Variants in WASHC2C observed in about 807,000 individuals in gnomAD.
WASHC2C encodes the protein WASH complex subunit 2C.
In WASHC2C, 73 loss-of-function variants were observed where a neutral mutation model predicts 142.2. That is an observed-to-expected ratio of 0.51 (90% CI 0.43 to 0.62). The LOEUF (loss-of-function observed/expected upper bound fraction) is 0.62, where lower values mean the gene tolerates loss of function less well. Ranked by LOEUF, WASHC2C falls within the 20% of genes least tolerant of loss-of-function variation. The pLI is 0.00. For synonymous variants in WASHC2C, 337 were observed against 565.5 expected, an observed-to-expected ratio of 0.60 and a Z score of 5.73; for missense variants, 969 against 1,531.7, an observed-to-expected ratio of 0.63 and a Z score of 6.13.
chr10:45,784,276 A>ATG (rs1428840910), intron 23 of WASHC2C, among the ~76,000 whole-genome samples: 1 of 6,544 alleles, frequency 1.5e-4, no homozygotes, highest in Non-Finnish European at 4.6e-4. Flanking sequence ...ATATATATAT[A>ATG]TATATATATA....
At chr10:45,749,927 T>A (rs1157660604) in intron 8 of WASHC2C, among the ~76,000 whole-genome samples, 169 bp from the exon 9 acceptor site, 8 of 145,714 alleles carry the variant, frequency 5.5e-5, no homozygotes, top group Non-Finnish European at 1.0e-4. Flanking sequence ...AAGTAAATCT[T>A]GTGTATTATT....
chr10:45,734,808 A>T (rs1171408147), intron 3 of WASHC2C, among the ~76,000 whole-genome samples: 4 of 151,882 alleles, frequency 2.6e-5, no homozygotes, highest in South Asian at 4.2e-4. Flanking sequence ...GCAGCCTCAA[A>T]CTCCTGGGCT....
chr10:45,741,171 C>G (rs1430129921), intron 5 of WASHC2C, among the ~76,000 whole-genome samples: 3 of 152,166 alleles, frequency 2.0e-5, no homozygotes, highest in African/African-American at 7.2e-5. Flanking sequence ...TGGTCTCGAA[C>G]TCCCAACCTC....
At chr10:45,776,353 A>G (rs1429841099) in intron 21 of WASHC2C, among the ~76,000 whole-genome samples, 1 of 152,178 alleles carries the variant, frequency 6.6e-6, no homozygotes, top group Non-Finnish European at 1.5e-5. Context: ...TTGATAAGTC[A>G]CTTGCTGCAA....
intron 2 of WASHC2C, 21 bp from the exon 3 acceptor site, chr10:45,728,841 T>C (rs1368563827): frequency 6.8e-6 from 11 of 1,610,566 alleles, no homozygotes; most frequent in Non-Finnish European, 9.3e-6. Flanking sequence ...GATACTACTG[T>C]ATGTTTATTT....
intron 28 of WASHC2C, 89 bp downstream of exon 28, chr10:45,787,336 A>C: frequency 1.5e-6 from 2 of 1,317,370 alleles, no homozygotes. Flanking sequence ...CATACACAGC[A>C]GTCTTTGACT....
At chr10:45,746,380 A>C (rs1475657396) in intron 7 of WASHC2C, among the ~76,000 whole-genome samples, 3 of 152,250 alleles carry the variant, frequency 2.0e-5, no homozygotes, top group Admixed American at 6.5e-5. Flanking sequence ...CACAAAAATT[A>C]CATGTTAACT....
chr10:45,761,429 G>A (rs1243146004), intron 17 of WASHC2C, among the ~76,000 whole-genome samples: 1 of 152,198 alleles, frequency 6.6e-6, no homozygotes, highest in Admixed American at 6.5e-5. Flanking sequence ...GAGGCCATAG[G>A]CTCCCCTTCT....
chr10:45,734,179 C>A (rs1292309598), intron 3 of WASHC2C, among the ~76,000 whole-genome samples: 3 of 152,166 alleles, frequency 2.0e-5, no homozygotes, highest in East Asian at 3.9e-4. Context: ...GAGCCGAGAT[C>A]CCGCCACTGC....
intron 8 of WASHC2C, among the ~76,000 whole-genome samples, chr10:45,749,468 A>C (rs1554872929): frequency 6.6e-6 from 1 of 150,974 alleles, no homozygotes; most frequent in East Asian, 2.0e-4. Context: ...TTCTCTAGTA[A>C]CAGCCATTTT....
intron 20 of WASHC2C, among the ~76,000 whole-genome samples, chr10:45,769,999 G>A (rs1373964087): frequency 6.6e-6 from 1 of 151,814 alleles, no homozygotes; most frequent in South Asian, 2.1e-4. Flanking sequence ...CCAGCACTTT[G>A]GGAGGCCGAG....
chr10:45,784,250 GTGTATATATA>G (rs1325287590), intron 23 of WASHC2C, among the ~76,000 whole-genome samples: 515 of 22,512 alleles, frequency 0.023, 6 homozygotes, highest in African/African-American at 0.058. Context: ...ATGTGTGTGT[GTGTATATATA>G]TATATATATA....
chr10:45,751,064 A>C (rs2053529056), intron 10 of WASHC2C, among the ~76,000 whole-genome samples: 1 of 152,204 alleles, frequency 6.6e-6, no homozygotes, highest in South Asian at 2.1e-4. Flanking sequence ...GTACACATGT[A>C]GATAACCCTT....
At position 45,749,490 on chromosome 10, in the gene WASHC2C, T is replaced by C. The variant is rs1271728986; in HGVS notation, c.733-606T>C. Reference sequence around the variant, plus strand: ...GTAACAGCCATTTTTGATATTTTAATATTCTGCTTTTTATATTCTTGTTGT... The same window carrying C: ...GTAACAGCCATTTTTGATATTTTAACATTCTGCTTTTTATATTCTTGTTGT... On this transcript the variant is annotated intron_variant, in intron 8 of 30. Coordinates refer to ENST00000623400, the MANE Select transcript of WASHC2C (RefSeq NM_001330074.2). Among the ~76,000 whole-genome samples the C allele has an allele frequency of 2.6e-5, 4 of 151,426 alleles. No individual in the cohort carries two copies. In the East Asian group the frequency reaches 7.8e-4, roughly 30 times the overall value.
At chr10:45,784,287 T>C (rs535179573) in intron 23 of WASHC2C, among the ~76,000 whole-genome samples, 1,863 of 7,902 alleles carry the variant, frequency 0.24, 82 homozygotes, top group African/African-American at 0.28. Context: ...TATATATATA[T>C]ATACACATAT....
rs2058258956 is a variant in WASHC2C, at chr10:45,789,324, G to A, written c.3541G>A (p.Asp1181Asn). The change falls in exon 29 of 31, where the codon GAT becomes AAT. Residue 1181 changes from aspartate to asparagine, a missense_variant. Asp to Asn is a conservative substitution (Grantham distance 23, BLOSUM62 1). Coordinates refer to ENST00000623400, the MANE Select transcript of WASHC2C (RefSeq NM_001330074.2). Reference sequence around the variant, plus strand: ...TCCTGCTCTAGGCGAGGCCAGCAGTGATGATGATCTCTTTCAGTCTGCTAA... The same window carrying A: ...TCCTGCTCTAGGCGAGGCCAGCAGTAATGATGATCTCTTTCAGTCTGCTAA... ...MFPALGEASS[D>N]DDLFQSAKPK... The A allele has an allele frequency of 5.0e-6, 8 of 1,611,958 alleles. No homozygotes were observed. Among genetic ancestry groups the A allele is most frequent in the Non-Finnish European group, 5.9e-6 (7 of 1,179,878 alleles).
intron 20 of WASHC2C, chr10:45,771,551 T>C (rs2056590796): frequency 1.0e-6 from 1 of 982,488 alleles, no homozygotes; most frequent in Non-Finnish European, 1.2e-6. Flanking sequence ...CACAAGGTCA[T>C]AAATCTGGCA....
intron 8 of WASHC2C, among the ~76,000 whole-genome samples, chr10:45,749,410 G>A (rs1329501535): frequency 1.3e-5 from 2 of 150,702 alleles, no homozygotes; most frequent in African/African-American, 4.9e-5. Context: ...ACTTCAGCCT[G>A]GGCAAAAAGA....
intron 11 of WASHC2C, among the ~76,000 whole-genome samples, 161 bp downstream of exon 11, chr10:45,751,714 A>C (rs2053610352): frequency 1.3e-5 from 2 of 152,180 alleles, no homozygotes; most frequent in African/African-American, 2.4e-5. Context: ...GCGGTGGCTC[A>C]CACATGTAAT....
Sources: gnomAD v4.1 joint callset for allele counts (sites outside exome capture counted in the v4.1 genomes callset) on GRCh38, gnomAD v4.1.1 for gene constraint, MANE v1.5 for transcripts, NCBI Gene and HGNC (gene_info 2026-07-23, HGNC 2026-07-21) for gene names.